LRRC4C: variants seen among roughly 807,000 people sequenced by gnomAD.
LRRC4C encodes leucine rich repeat containing 4C.
LRRC4C carries 5 observed loss-of-function variants against 33.6 expected under a neutral mutation model. The observed-to-expected ratio is 0.15, with a 90% CI of 0.08 to 0.31. LRRC4C has a LOEUF of 0.31. Among genes scored for constraint, LRRC4C ranks in the 10% least tolerant of loss-of-function variants. The pLI is 1.00. For synonymous variants in LRRC4C, 329 were observed against 302.0 expected (o/e 1.09, Z -0.93); for missense variants, 560 against 796.7 (o/e 0.70, Z 3.58).
At chr11:40,747,521 C>T (rs762891634) in intron 2 of LRRC4C, among the ~76,000 whole-genome samples, 1 of 151,730 alleles carries the variant, frequency 6.6e-6, no homozygotes, top group Non-Finnish European at 1.5e-5. Flanking sequence ...TATGATGTCA[C>T]CACCGAAGGA....
intron 2 of LRRC4C, among the ~76,000 whole-genome samples, chr11:40,676,512 C>A (rs139849094): frequency 1.5e-3 from 225 of 152,254 alleles, no homozygotes; most frequent in Middle Eastern, 3.4e-3. Context: ...TATTCTGTTT[C>A]ATTTCCTTCA....
chr11:40,635,803 A>AT (rs528675832), intron 3 of LRRC4C, among the ~76,000 whole-genome samples: 2,948 of 150,074 alleles, frequency 0.02, 44 homozygotes, highest in South Asian at 0.036. Context: ...TGCCCGGCTA[A>AT]TTTTTTTTTG....
intron 5 of LRRC4C, among the ~76,000 whole-genome samples, chr11:40,153,081 G>T (rs1156993549): frequency 6.6e-6 from 1 of 152,126 alleles, no homozygotes; most frequent in Non-Finnish European, 1.5e-5. Context: ...TGATATTCAT[G>T]ACTGAGAGAC....
intron 1 of LRRC4C, among the ~76,000 whole-genome samples, chr11:41,328,834 C>T (rs547450182): frequency 6.6e-6 from 1 of 152,248 alleles, no homozygotes; most frequent in African/African-American, 2.4e-5. Flanking sequence ...TGGATATTTT[C>T]TCATGTAATC....
At chr11:40,903,287 TTGAGACCTAC>T (rs1956285951) in intron 2 of LRRC4C, among the ~76,000 whole-genome samples, 1 of 152,298 alleles carries the variant, frequency 6.6e-6, no homozygotes, top group African/African-American at 2.4e-5. Context: ...AAGCCCAATG[TTGAGACCTAC>T]TGCTAAGGAA....
At position 40,478,321 on chromosome 11, in the gene LRRC4C, CTT is replaced by C. The variant is rs1198983804; in HGVS notation, c.-269-158602_-269-158601del. ...TCTGAGAACAAGCTTTTAAACACCT[CTT>C]TTTAATGAAGGAAAGTTATCCTATT... On this transcript the variant is annotated intron_variant, in intron 3 of 6. Coordinates refer to ENST00000528697, the MANE Select transcript of LRRC4C (RefSeq NM_001258419.2). Among the ~76,000 whole-genome samples, 3 of 152,146 alleles carry C rather than the reference CTT, an allele frequency of 2.0e-5. No individual in the cohort carries two copies. In the East Asian group the frequency reaches 5.8e-4, roughly 29 times the overall value.
chr11:40,362,349 T>C (rs967414599), intron 3 of LRRC4C, among the ~76,000 whole-genome samples: 1 of 151,792 alleles, frequency 6.6e-6, no homozygotes, highest in African/African-American at 2.4e-5. Flanking sequence ...TAGAAAAAAA[T>C]TTGCAAATTA....
intron 1 of LRRC4C, among the ~76,000 whole-genome samples, chr11:41,287,438 T>G (rs1693796863): frequency 6.6e-6 from 1 of 152,320 alleles, no homozygotes; most frequent in African/African-American, 2.4e-5. Context: ...TTTTGTTTTT[T>G]GCGTTTTGTT....
intron 1 of LRRC4C, among the ~76,000 whole-genome samples, chr11:41,160,545 C>T (rs940373163): frequency 2.0e-5 from 3 of 151,974 alleles, no homozygotes; most frequent in Admixed American, 6.6e-5. Context: ...AATGGCCATG[C>T]ATACAAACAG....
chr11:40,378,039 T>C (rs1948727272), intron 3 of LRRC4C, among the ~76,000 whole-genome samples: 1 of 152,068 alleles, frequency 6.6e-6, no homozygotes, highest in Non-Finnish European at 1.5e-5. Context: ...TTATGACATA[T>C]AATAAACTCA....
intron 2 of LRRC4C, among the ~76,000 whole-genome samples, chr11:40,663,096 T>C (rs1249699660): frequency 1.3e-5 from 2 of 152,198 alleles, no homozygotes; most frequent in Non-Finnish European, 2.9e-5. Context: ...TTTATTTATT[T>C]TTGAGACGGA....
intron 4 of LRRC4C, among the ~76,000 whole-genome samples, chr11:40,304,499 T>G (rs1944931349): frequency 6.6e-6 from 1 of 152,170 alleles, no homozygotes; most frequent in Admixed American, 6.5e-5. Context: ...TCACTCTCTT[T>G]TATTCAAACG....
At chr11:40,888,729 G>A (rs973358000) in intron 2 of LRRC4C, among the ~76,000 whole-genome samples, 3 of 151,902 alleles carry the variant, frequency 2.0e-5, no homozygotes, top group African/African-American at 7.2e-5. Context: ...AGCATGATAT[G>A]GTAACTGTTT....
At chr11:40,809,285 G>A (rs887397007) in intron 2 of LRRC4C, among the ~76,000 whole-genome samples, 2 of 152,146 alleles carry the variant, frequency 1.3e-5, no homozygotes, top group Admixed American at 1.3e-4. Flanking sequence ...ATAGAGATAA[G>A]CATCTGACAC....
At chr11:40,976,841 A>T (rs752030231) in intron 1 of LRRC4C, among the ~76,000 whole-genome samples, 20 of 152,150 alleles carry the variant, frequency 1.3e-4, no homozygotes, top group Non-Finnish European at 2.4e-4. Context: ...CATGGAAGGC[A>T]ATTTTTTTCC....
chr11:40,427,890 G>C (rs146491827), intron 3 of LRRC4C, among the ~76,000 whole-genome samples: 1 of 152,046 alleles, frequency 6.6e-6, no homozygotes, highest in East Asian at 1.9e-4. Flanking sequence ...ACAAAAGCCC[G>C]AAAAATTCTC....
chr11:40,845,540 A>G (rs1203738983), intron 2 of LRRC4C, among the ~76,000 whole-genome samples: 1 of 152,202 alleles, frequency 6.6e-6, no homozygotes, highest in Non-Finnish European at 1.5e-5. Context: ...ATAGTATTCC[A>G]TGGTATATAT....
chr11:40,192,658 A>G (rs575676309), intron 5 of LRRC4C, among the ~76,000 whole-genome samples: 6 of 152,298 alleles, frequency 3.9e-5, no homozygotes, highest in South Asian at 4.2e-4. Flanking sequence ...GGTCTTGCTC[A>G]ATGGATCCCA....
chr11:40,856,286 A>G (rs1049089632), intron 2 of LRRC4C, among the ~76,000 whole-genome samples: 4 of 152,200 alleles, frequency 2.6e-5, no homozygotes, highest in Non-Finnish European at 5.9e-5. Context: ...TAAAAGAAAG[A>G]CATTTTGTAG....
Sources: gnomAD v4.1 joint callset for allele counts (sites outside exome capture counted in the v4.1 genomes callset) on GRCh38, gnomAD v4.1.1 for gene constraint, MANE v1.5 for transcripts, NCBI Gene and HGNC (gene_info 2026-07-23, HGNC 2026-07-21) for gene names.